HTT: variants seen among roughly 807,000 people sequenced by gnomAD.
HTT encodes the protein huntingtin.
In HTT, 104 loss-of-function variants were observed where a neutral mutation model predicts 362.3. The ratio of observed to expected loss-of-function variants is 0.29; its 90% CI spans 0.24 to 0.34. The LOEUF (loss-of-function observed/expected upper bound fraction) is 0.34. HTT is among the 10% of genes least tolerant of loss of function. HTT has a pLI of 1.00. For missense variants in HTT, 3,301 were observed against 3,928.6 expected, an observed-to-expected ratio of 0.84 and a Z score of 4.27; for synonymous variants, 1,577 against 1,548.7, an observed-to-expected ratio of 1.02 and a Z score of -0.43.
At chr4:3,117,357 G>A (rs978242237) in intron 8 of HTT, among the ~76,000 whole-genome samples, 5 of 150,692 alleles carry the variant, frequency 3.3e-5, no homozygotes, top group South Asian at 2.1e-4. Flanking sequence ...TTTTTTTTAA[G>A]CTAGCTTTTT....
At chr4:3,191,864 TGTG>T (rs1441602235) in intron 40 of HTT, among the ~76,000 whole-genome samples, 2 of 152,170 alleles carry the variant, frequency 1.3e-5, no homozygotes, top group African/African-American at 4.8e-5. Flanking sequence ...CAAATTATGA[TGTG>T]GTGATTGTAT....
chr4:3,176,279 G>T (rs1200792507), intron 33 of HTT, among the ~76,000 whole-genome samples: 1 of 152,046 alleles, frequency 6.6e-6, no homozygotes, highest in African/African-American at 2.4e-5. Flanking sequence ...TGCCCGCCTC[G>T]GCCTCCCAAA....
intron 26 of HTT, among the ~76,000 whole-genome samples, chr4:3,152,735 C>T (rs1231079228): frequency 6.6e-6 from 1 of 151,692 alleles, no homozygotes; most frequent in Non-Finnish European, 1.5e-5. Context: ...GAACTTCTGC[C>T]TCCCGGGTTC....
chr4:3,157,140 C>T lies in HTT; in HGVS notation c.3694C>T (p.His1232Tyr), dbSNP rs1717191180. 6.2e-7 allele frequency: 1 copy of T among 1,613,170 alleles called. No homozygotes were observed. The highest frequency in any genetic ancestry group is 8.5e-7 in the Non-Finnish European group (1 of 1,179,300). ...ATCCTCATCACTGGGGAGTTTCTAT[C>T]ATCTTCCTTCATACCTCAAACTGCA... ...SKSSSLGSFY[H>Y]LPSYLKLHDV... The change falls in exon 28 of 67, where the codon CAT becomes TAT. Residue 1232 changes from histidine (H) to tyrosine (Y), a missense_variant. Physicochemically the swap from His to Tyr is moderately conservative, Grantham distance 83 (BLOSUM62 2). Around this residue, in one of 4 missense-constraint regions of HTT, gnomAD observed 2,316 missense variants for 2,658.5 expected, o/e 0.87. Coordinates refer to ENST00000355072, the MANE Select transcript of HTT (RefSeq NM_001388492.1).
intron 1 of HTT, 129 bp downstream of exon 1, chr4:3,075,217 A>C: frequency 1.1e-6 from 1 of 944,306 alleles, no homozygotes; most frequent in Non-Finnish European, 1.3e-6. Flanking sequence ...TGACCCAGCA[A>C]CCCAGAGCCC....
chr4:3,096,386 A>G (rs1232903303), intron 2 of HTT, among the ~76,000 whole-genome samples: 1 of 152,234 alleles, frequency 6.6e-6, no homozygotes, highest in Non-Finnish European at 1.5e-5. Flanking sequence ...TGGCATTTAC[A>G]GGACACTCCA....
At position 3,212,092 on chromosome 4, in the gene HTT, A is replaced by C; in HGVS notation, c.6578A>C (p.Glu2193Ala). 6.2e-7 allele frequency: 1 copy of C among 1,613,978 alleles called. No homozygotes were observed. Among genetic ancestry groups the C allele is most frequent in the Non-Finnish European group, 8.5e-7 (1 of 1,179,832 alleles). The change falls in exon 48 of 67, where the codon GAG becomes GCG. Residue 2193 changes from glutamate (E) to alanine (A), a missense_variant. By Grantham distance (107) the Glu-to-Ala change is moderately radical. This residue lies in a region of HTT where 220 missense variants were observed against 218.5 expected (regional missense o/e 1.01). Transcript: ENST00000355072. ...LPAVHHVFQP[E>A]LPAEPAAYWS... The stretch of plus-strand genomic sequence containing the variant: ...GCTGTCCATCATGTCTTCCAGCCCG[A>C]GCTGCCTGCAGAGCCGGCGGCCTAC...
In HTT at chr4:3,239,951, C is replaced by G; in HGVS notation, c.9321C>G (p.Leu3107=). The G allele has an allele frequency of 6.3e-7, 1 of 1,589,012 alleles. No individual in the cohort carries two copies. The highest frequency in any genetic ancestry group is 8.6e-7 in the Non-Finnish European group (1 of 1,166,936). The part of the protein sequence containing the change: ...DFYRHQIEEE[L]DRRAFQSVLE... Reference sequence around the variant, plus strand: ...ACAGACACCAGATAGAGGAGGAGCTCGACCGCAGGGCCTTCCAGTCTGTGC... The same window carrying G: ...ACAGACACCAGATAGAGGAGGAGCTGGACCGCAGGGCCTTCCAGTCTGTGC... Residue 3107 remains leucine (L), a synonymous_variant, in exon 67 of 67, where the codon CTC becomes CTG. Transcript: ENST00000355072.
At chr4:3,105,244 G>A (rs561799065) in intron 4 of HTT, 113 bp from the exon 5 acceptor site, 1 of 699,396 alleles carries the variant, frequency 1.4e-6, no homozygotes, top group Non-Finnish European at 2.6e-6. Context: ...GCATTTAAAT[G>A]GCCTTTTCTC....
At chr4:3,222,320 G>C in intron 53 of HTT, 67 bp from the exon 54 acceptor site, 1 of 1,373,508 alleles carries the variant, frequency 7.3e-7, no homozygotes, top group Non-Finnish European at 1.0e-6. Flanking sequence ...TGTCGGCGTA[G>C]CTGTCAGCTC....
At chr4:3,076,806 A>G (rs1328544179) in intron 1 of HTT, among the ~76,000 whole-genome samples, 1 of 152,230 alleles carries the variant, frequency 6.6e-6, no homozygotes, top group Admixed American at 6.5e-5. Flanking sequence ...GGGTATCAAG[A>G]AATTTCCTTT....
At chr4:3,108,769 G>A (rs1714568677) in intron 6 of HTT, among the ~76,000 whole-genome samples, 1 of 152,144 alleles carries the variant, frequency 6.6e-6, no homozygotes, top group Non-Finnish European at 1.5e-5. Context: ...TCAAGAGCCT[G>A]GTACAGTGGC....
At chr4:3,158,981 G>A (rs985346777) in intron 28 of HTT, among the ~76,000 whole-genome samples, 2 of 152,122 alleles carry the variant, frequency 1.3e-5, no homozygotes, top group South Asian at 2.1e-4. Context: ...TGGCATCTTG[G>A]ACTCCTGTTT....
At chr4:3,099,220 A>G (rs1481280946) in intron 2 of HTT, 54 bp from the exon 3 acceptor site, 8 of 1,258,512 alleles carry the variant, frequency 6.4e-6, no homozygotes, top group Middle Eastern at 2.0e-4. Flanking sequence ...ATTACATTTC[A>G]TTGTCATGTC....
chr4:3,216,999 T>G (rs1249207771), intron 51 of HTT, among the ~76,000 whole-genome samples: 5 of 149,198 alleles, frequency 3.4e-5, no homozygotes, highest in Non-Finnish European at 7.4e-5. Context: ...CACTCCAGCC[T>G]GGGCGACAGA....
chr4:3,234,815 C>T (rs1337799213), intron 61 of HTT, among the ~76,000 whole-genome samples: 1 of 152,170 alleles, frequency 6.6e-6, no homozygotes, highest in East Asian at 1.9e-4. Context: ...AGTGGCCACT[C>T]ATTCAGTCCC....
chr4:3,134,073 G>T (rs548696118), intron 18 of HTT, among the ~76,000 whole-genome samples: 1 of 152,282 alleles, frequency 6.6e-6, no homozygotes, highest in Non-Finnish European at 1.5e-5. Context: ...TTATTTAGAA[G>T]TGGTGTTGGG....
chr4:3,207,013 T>C, intron 44 of HTT, 30 bp downstream of exon 44: 1 of 1,581,302 alleles, frequency 6.3e-7, no homozygotes. Context: ...TGATATTGAT[T>C]TATATTGAAA....
chr4:3,238,557 T>G lies in HTT; in HGVS notation c.9002T>G (p.Phe3001Cys), dbSNP rs1363557000. ...ATCATGAACAAAGTCATCGGAGAGT[T>G]TCTGTCCAACCAGCAGCCATACCCC... ...QDIMNKVIGE[F>C]LSNQQPYPQF... The change falls in exon 65 of 67, where the codon TTT becomes TGT. Residue 3001 changes from phenylalanine to cysteine, a missense_variant. Phe to Cys is a radical substitution (Grantham distance 205). This residue lies in a region of HTT where 753 missense variants were observed against 1,021.3 expected (regional missense o/e 0.74). Coordinates refer to ENST00000355072, the MANE Select transcript of HTT (RefSeq NM_001388492.1). 1 of 1,613,042 alleles carries G rather than the reference T, an allele frequency of 6.2e-7. No homozygotes were observed. The highest frequency in any genetic ancestry group is 8.5e-7 in the Non-Finnish European group (1 of 1,179,592).
Sources: allele counts gnomAD v4.1 joint callset (sites outside exome capture counted in the v4.1 genomes callset), GRCh38; gene constraint gnomAD v4.1.1; regional missense constraint gnomAD v4.1.1; transcripts MANE v1.5; gene names NCBI Gene and HGNC (gene_info 2026-07-23, HGNC 2026-07-21).